The following NBEA variants were observed in gnomAD, a reference collection of about 807,000 sequenced individuals.
NBEA encodes the protein lysosomal-trafficking regulator 2.
Under a neutral mutation model 343.4 loss-of-function variants are expected in NBEA, and 44 were observed. That is an observed-to-expected ratio of 0.13 (90% CI 0.10 to 0.16). The LOEUF (loss-of-function observed/expected upper bound fraction) is 0.16, where lower values mean the gene tolerates loss of function less well. NBEA is among the 10% of genes least tolerant of loss of function. NBEA has a pLI of 1.00. For synonymous variants in NBEA, 1,175 were observed against 1,238.7 expected (o/e 0.95, Z 1.08); for missense variants, 2,555 against 3,631.3 (o/e 0.70, Z 7.62).
intron 8 of NBEA, among the ~76,000 whole-genome samples, chr13:35,069,520 A>T (rs2063784353): frequency 6.6e-6 from 1 of 152,108 alleles, no homozygotes; most frequent in African/African-American, 2.4e-5. Context: ...TTTTCTCTAT[A>T]AGTAATTCAT....
chr13:35,360,872 G>A (rs191525507), intron 38 of NBEA, among the ~76,000 whole-genome samples: 4 of 151,988 alleles, frequency 2.6e-5, no homozygotes, highest in South Asian at 2.1e-4. Flanking sequence ...CACACAAAAC[G>A]TCTAAGTTTG....
At chr13:35,447,156 C>T (rs1241371527) in intron 39 of NBEA, among the ~76,000 whole-genome samples, 2 of 152,006 alleles carry the variant, frequency 1.3e-5, no homozygotes, top group Admixed American at 6.6e-5. Context: ...ATTTCTTTGC[C>T]TTGATCCTGT....
intron 41 of NBEA, among the ~76,000 whole-genome samples, chr13:35,485,613 T>C (rs2152969745): frequency 6.6e-6 from 1 of 152,240 alleles, no homozygotes; most frequent in African/African-American, 2.4e-5. Context: ...TCTCTGCCAC[T>C]TCTTGATTCT....
intron 31 of NBEA, 57 bp from the exon 32 acceptor site, chr13:35,208,643 A>C: frequency 2.8e-6 from 4 of 1,428,492 alleles, no homozygotes; most frequent in Non-Finnish European, 3.8e-6. Flanking sequence ...TTGCAGCAGG[A>C]TTATAATTCA....
intron 41 of NBEA, chr13:35,475,638 C>T: frequency 6.2e-7 from 1 of 1,613,874 alleles, no homozygotes; most frequent in Non-Finnish European, 8.5e-7. Context: ...TGATCTGCAC[C>T]ACGTACCTAT....
At position 35,037,589 on chromosome 13, in the gene NBEA, G is replaced by T. The variant is rs559195721; in HGVS notation, c.295-3344G>T. On this transcript the variant is annotated intron_variant, in intron 1 of 58. Transcript: ENST00000379939. ...CTGTGATTCTTGCAGACTTGTAGAGGTACTGCCTTGATGGTTTTGGGCAAG... is the reference window on the plus strand; with the variant it reads ...CTGTGATTCTTGCAGACTTGTAGAGTTACTGCCTTGATGGTTTTGGGCAAG... Among the ~76,000 whole-genome samples the T allele has an allele frequency of 1.3e-4, 20 of 152,242 alleles. 1 individual carries two copies. Among genetic ancestry groups the T allele is most frequent in the Admixed American group, 9.2e-4 (14 of 15,288 alleles).
At chr13:35,123,111 G>A (rs548685764) in intron 16 of NBEA, among the ~76,000 whole-genome samples, 69 of 152,160 alleles carry the variant, frequency 4.5e-4, no homozygotes, top group Non-Finnish European at 8.8e-4. Flanking sequence ...GGTCAATTTG[G>A]CAAAACCTCA....
intron 34 of NBEA, among the ~76,000 whole-genome samples, chr13:35,248,275 A>G (rs909619490): frequency 3.9e-5 from 6 of 152,226 alleles, no homozygotes; most frequent in Non-Finnish European, 8.8e-5. Context: ...AGTAAATTTT[A>G]TTACTGAAAT....
At chr13:35,034,218 T>C (rs2062353106) in intron 1 of NBEA, among the ~76,000 whole-genome samples, 1 of 152,022 alleles carries the variant, frequency 6.6e-6, no homozygotes, top group African/African-American at 2.4e-5. Flanking sequence ...GTTTTTATCA[T>C]GAAGGGATGT....
At chr13:35,122,093 A>G (rs1388556101) in intron 16 of NBEA, among the ~76,000 whole-genome samples, 2 of 152,142 alleles carry the variant, frequency 1.3e-5, no homozygotes, top group African/African-American at 4.8e-5. Context: ...ATATGGCCCT[A>G]CTTTTATATA....
At chr13:35,513,302 A>ATTT (rs754363500) in intron 41 of NBEA, among the ~76,000 whole-genome samples, 33 of 72,294 alleles carry the variant, frequency 4.6e-4, no homozygotes, top group African/African-American at 1.5e-3. Flanking sequence ...ACACCTGGCA[A>ATTT]TTTTTTTTTT....
At chr13:35,078,721 C>T (rs189252222) in intron 10 of NBEA, among the ~76,000 whole-genome samples, 11 of 152,220 alleles carry the variant, frequency 7.2e-5, no homozygotes, top group Non-Finnish European at 1.5e-4. Flanking sequence ...AAAAGTATTA[C>T]GGTGCACAGG....
At chr13:35,070,395 T>G (rs1247165175) in intron 9 of NBEA, among the ~76,000 whole-genome samples, 1 of 152,134 alleles carries the variant, frequency 6.6e-6, no homozygotes, top group African/African-American at 2.4e-5. Flanking sequence ...AAACATACTT[T>G]GCTTTAAGAA....
chr13:35,191,749 G>A (rs1481437307), intron 30 of NBEA, among the ~76,000 whole-genome samples: 1 of 151,826 alleles, frequency 6.6e-6, no homozygotes, highest in Non-Finnish European at 1.5e-5. Context: ...ATAATTTTTA[G>A]TGCTATACTA....
At chr13:35,594,992 A>ACACACACACACACACACAC (rs35174924) in intron 47 of NBEA, among the ~76,000 whole-genome samples, 1 of 130,600 alleles carries the variant, frequency 7.7e-6, no homozygotes. Flanking sequence ...CACACACACA[A>ACACACACACACACACACAC]ATTGGCTTTT....
Position 35,445,782 on chromosome 13 carries a change from TTATATATATATATATATA to T in NBEA, c.6305-6292_6305-6275del, listed in dbSNP as rs71081255. On this transcript the variant is annotated intron_variant, in intron 39 of 58. Coordinates refer to ENST00000379939, the MANE Select transcript of NBEA (RefSeq NM_001385012.1). ...TGACTTAATTCTAAGATATAAATGT[TTATATATATATATATATA>T]TATATATATATATATATGTATATAT... is the stretch of plus-strand genomic sequence containing the variant. Among the ~76,000 whole-genome samples, 222 of 113,232 alleles carry T rather than the reference TTATATATATATATATATA, an allele frequency of 2.0e-3. 3 individuals carry two copies. The highest frequency in any genetic ancestry group is 6.8e-3 in the African/African-American group (201 of 29,368). The allele number at this position is 113,232 out of a possible 152,430, so 74.3% of individuals were successfully genotyped here.
intron 10 of NBEA, among the ~76,000 whole-genome samples, chr13:35,077,705 A>G (rs1253064465): frequency 1.3e-5 from 2 of 152,108 alleles, no homozygotes; most frequent in Non-Finnish European, 2.9e-5. Context: ...TCTTTCTAAA[A>G]TACAAATCTA....
At chr13:35,097,181 G>A (rs1200577167) in intron 10 of NBEA, among the ~76,000 whole-genome samples, 1 of 151,794 alleles carries the variant, frequency 6.6e-6, no homozygotes, top group Non-Finnish European at 1.5e-5. Flanking sequence ...TGAGAAAAAT[G>A]TATTATCCCT....
At chr13:35,488,017 C>A (rs917757701) in intron 41 of NBEA, among the ~76,000 whole-genome samples, 11 of 151,968 alleles carry the variant, frequency 7.2e-5, no homozygotes, top group Admixed American at 7.2e-4. Flanking sequence ...TGTATGTCAA[C>A]AAATATCTTA....
Sources: allele counts gnomAD v4.1 joint callset (sites outside exome capture counted in the v4.1 genomes callset), GRCh38; gene constraint gnomAD v4.1.1; transcripts MANE v1.5; gene names NCBI Gene and HGNC (gene_info 2026-07-23, HGNC 2026-07-21).